RAD51B: variants seen among roughly 807,000 people sequenced by gnomAD.
The protein encoded by RAD51B is RAD51 paralog B.
RAD51B carries 38 observed loss-of-function variants against 42.2 expected under a neutral mutation model. That is an observed-to-expected ratio of 0.90 (90% CI 0.70 to 1.18). The LOEUF is 1.18. Among genes scored for constraint, RAD51B ranks in the 50% most tolerant of loss-of-function variants. RAD51B has a pLI of 0.00. For synonymous variants in RAD51B, 154 were observed against 145.2 expected, an observed-to-expected ratio of 1.06 and a Z score of -0.43; for missense variants, 373 against 400.7, an observed-to-expected ratio of 0.93 and a Z score of 0.59.
intron 7 of RAD51B, among the ~76,000 whole-genome samples, chr14:67,889,024 G>A (rs2043143568): frequency 6.6e-6 from 1 of 152,050 alleles, no homozygotes; most frequent in Non-Finnish European, 1.5e-5. Flanking sequence ...TTCCTAAGGT[G>A]ATTTATTTTC....
chr14:67,887,893 A>G (rs1028964201), intron 7 of RAD51B, among the ~76,000 whole-genome samples: 1 of 152,216 alleles, frequency 6.6e-6, no homozygotes, highest in South Asian at 2.1e-4. Context: ...TCCCATCTGC[A>G]GTGTGTCAGG....
chr14:68,556,549 G>A (rs1888857119), intron 10 of RAD51B, among the ~76,000 whole-genome samples: 1 of 152,180 alleles, frequency 6.6e-6, no homozygotes, highest in Admixed American at 6.5e-5. Context: ...AAGAGGAAGG[G>A]AGGAAGAACA....
intron 10 of RAD51B, among the ~76,000 whole-genome samples, chr14:68,486,015 T>C (rs1049715239): frequency 1.3e-5 from 2 of 152,238 alleles, no homozygotes; most frequent in African/African-American, 4.8e-5. Context: ...TAGATACTAT[T>C]ACTTTTGTAC....
chr14:67,989,680 T>G (rs890857202), intron 7 of RAD51B, among the ~76,000 whole-genome samples: 1 of 146,192 alleles, frequency 6.8e-6, no homozygotes, highest in African/African-American at 2.6e-5. Context: ...AAAGAAAAAC[T>G]TTAAAAATGC....
Position 68,187,372 on chromosome 14 carries a change from A to G in RAD51B, c.757-104512A>G, listed in dbSNP as rs140518413. On this transcript the variant is annotated intron_variant, in intron 7 of 10. Coordinates refer to ENST00000471583, the MANE Select transcript of RAD51B (RefSeq NM_133510.4). The stretch of plus-strand genomic sequence containing the variant: ...CTGAATCTAAAATAAAAGTTGAAAA[A>G]GAAAAAAAAAAGAACTATCCCTTTG... Among the ~76,000 whole-genome samples the G allele has an allele frequency of 8.8e-4, 134 of 152,250 alleles. 1 individual carries two copies. The highest frequency in any genetic ancestry group is 3.4e-3 in the Middle Eastern group (1 of 294).
At chr14:68,018,786 G>A (rs2075818623) in intron 7 of RAD51B, among the ~76,000 whole-genome samples, 1 of 152,132 alleles carries the variant, frequency 6.6e-6, no homozygotes. Flanking sequence ...TTATGTGTCT[G>A]GATTTTGAGT....
chr14:68,610,931 T>C, intron 10 of RAD51B: 2 of 665,994 alleles, frequency 3.0e-6, no homozygotes, highest in East Asian at 2.8e-5. Context: ...ACAGTTATTA[T>C]TCAATGTTGT....
intron 9 of RAD51B, among the ~76,000 whole-genome samples, chr14:68,438,522 G>T (rs75761400): frequency 1.3e-5 from 2 of 152,100 alleles, no homozygotes; most frequent in Admixed American, 6.6e-5. Flanking sequence ...TTCCATCCAG[G>T]CCTCAATGAC....
chr14:68,250,270 A>G (rs989293006), intron 7 of RAD51B, among the ~76,000 whole-genome samples: 2 of 152,138 alleles, frequency 1.3e-5, no homozygotes, highest in African/African-American at 2.4e-5. Flanking sequence ...TAATTAATTG[A>G]TATCTTCTGC....
intron 10 of RAD51B, among the ~76,000 whole-genome samples, chr14:68,618,595 T>C (rs1891874777): frequency 6.6e-6 from 1 of 152,182 alleles, no homozygotes; most frequent in South Asian, 2.1e-4. Context: ...TTCATTAAAT[T>C]CTCCTCTTTT....
rs574201952 is a variant in RAD51B at position 68,405,538 on chromosome 14, A to G, written c.854-5886A>G. On this transcript the variant is annotated intron_variant, in intron 8 of 10. Coordinates refer to ENST00000471583, the MANE Select transcript of RAD51B (RefSeq NM_133510.4). ...TGGATTAATATTTGTAAGAACTCCT[A>G]AAAATACAAATGGATATTTTTAAAG... Among the ~76,000 whole-genome samples, 7 of 152,306 alleles carry G rather than the reference A, an allele frequency of 4.6e-5. No individual in the cohort carries two copies. In the South Asian group the frequency reaches 1.5e-3, roughly 32 times the overall value.
intron 7 of RAD51B, among the ~76,000 whole-genome samples, chr14:68,211,432 C>T (rs1480472931): frequency 6.6e-6 from 1 of 152,138 alleles, no homozygotes; most frequent in African/African-American, 2.4e-5. Context: ...ATTGTAGCAC[C>T]TCTTTTGTGT....
chr14:68,439,153 T>TACACACACACACAC (rs10565900), intron 9 of RAD51B, among the ~76,000 whole-genome samples: 5 of 119,182 alleles, frequency 4.2e-5, no homozygotes, highest in African/African-American at 1.6e-4. Flanking sequence ...TGTATTTTTG[T>TACACACACACACAC]ACACACACAC....
chr14:68,669,054 C>T (rs1270599415), intron 11 of RAD51B, among the ~76,000 whole-genome samples: 1 of 152,214 alleles, frequency 6.6e-6, no homozygotes, highest in Non-Finnish European at 1.5e-5. Context: ...AGAGTCTTAC[C>T]TGTTGAAAAC....
intron 7 of RAD51B, among the ~76,000 whole-genome samples, chr14:68,067,477 C>CAAAAA (rs79038337): frequency 9.8e-6 from 1 of 101,798 alleles, no homozygotes; most frequent in African/African-American, 3.5e-5. Context: ...AAAAAAAAAA[C>CAAAAA]AAAAAAAAAA....
intron 7 of RAD51B, among the ~76,000 whole-genome samples, chr14:68,101,417 A>T (rs2077287134): frequency 6.6e-6 from 1 of 152,096 alleles, no homozygotes; most frequent in South Asian, 2.1e-4. Context: ...GTAAAATCAA[A>T]AACAAGTTAG....
At chr14:68,167,705 G>GT (rs2078782069) in intron 7 of RAD51B, among the ~76,000 whole-genome samples, 1 of 152,018 alleles carries the variant, frequency 6.6e-6, no homozygotes, top group South Asian at 2.1e-4. Context: ...TGGGACAACA[G>GT]GAATACTCCT....
At chr14:68,368,924 T>C (rs1419085972) in intron 8 of RAD51B, among the ~76,000 whole-genome samples, 1 of 152,186 alleles carries the variant, frequency 6.6e-6, no homozygotes, top group Admixed American at 6.5e-5. Context: ...CAAGTTGACA[T>C]TTTGTGGCTC....
chr14:68,478,138 C>T (rs1477462482), downstream of RAD51B: 8 of 1,023,964 alleles, frequency 7.8e-6, no homozygotes, highest in African/African-American at 3.4e-5. Context: ...AAATAGTAAC[C>T]GATTCAGAAA....
Sources: gnomAD v4.1 joint callset for allele counts (sites outside exome capture counted in the v4.1 genomes callset) on GRCh38, gnomAD v4.1.1 for gene constraint, MANE v1.5 for transcripts, NCBI Gene and HGNC (gene_info 2026-07-23, HGNC 2026-07-21) for gene names.